The following WDFY3 variants were observed in gnomAD, a reference collection of about 807,000 sequenced individuals.
The protein encoded by WDFY3 is WD repeat and FYVE domain-containing protein 3.
WDFY3 carries 66 observed loss-of-function variants against 409.6 expected under a neutral mutation model. The ratio of observed to expected loss-of-function variants is 0.16; its 90% CI spans 0.13 to 0.20. The LOEUF is 0.20. Ranked by LOEUF, WDFY3 falls within the 10% of genes least tolerant of loss-of-function variation. The probability of loss-of-function intolerance (pLI) is 1.00; values close to 1 mark genes in which losing one functional copy is unlikely to be tolerated. For synonymous variants in WDFY3, 1,521 were observed against 1,537.1 expected, an observed-to-expected ratio of 0.99 and a Z score of 0.25; for missense variants, 3,031 against 4,298.1, an observed-to-expected ratio of 0.71 and a Z score of 8.24.
In WDFY3 at chr4:84,794,602, T is replaced by C; in HGVS notation, c.3404A>G (p.His1135Arg). 1.2e-6 allele frequency: 2 copies of C among 1,614,110 alleles called. No individual in the cohort carries two copies. The highest frequency in any genetic ancestry group is 1.7e-6 in the Non-Finnish European group (2 of 1,180,022). The change falls in exon 21 of 68, where the codon CAT becomes CGT. Residue 1135 changes from histidine to arginine, a missense_variant. This residue lies in a region of WDFY3 where 1,322 missense variants were observed against 1,697.9 expected (regional missense o/e 0.78). Transcript: ENST00000295888. Reference protein sequence around the residue: ...VVRRANSSEQHYVCLAIVLSA... With the variant: ...VVRRANSSEQRYVCLAIVLSA... ...TAGAACTATTGCAAGGCACACGTAATGTTGCTCAGAAGAATTTGCTCGGCG... is the reference window on the plus strand; with the variant it reads ...TAGAACTATTGCAAGGCACACGTAACGTTGCTCAGAAGAATTTGCTCGGCG...
At chr4:84,862,784 G>A (rs1162305825) in intron 3 of WDFY3, among the ~76,000 whole-genome samples, 1 of 152,046 alleles carries the variant, frequency 6.6e-6, no homozygotes, top group Non-Finnish European at 1.5e-5. Flanking sequence ...TCAGGGGATC[G>A]AGACTATCCT....
intron 5 of WDFY3, chr4:84,844,581 C>A: frequency 8.3e-7 from 1 of 1,202,450 alleles, no homozygotes. Context: ...CACAAGAGTA[C>A]TGGGGTCAAC....
chr4:84,760,894 T>G (rs1402367612), intron 32 of WDFY3, among the ~76,000 whole-genome samples: 3 of 145,240 alleles, frequency 2.1e-5, no homozygotes, highest in Non-Finnish European at 3.0e-5. Flanking sequence ...TTAATTGTGA[T>G]GTTAGGGTGT....
chr4:84,748,062 T>A (rs1166419558), intron 36 of WDFY3, among the ~76,000 whole-genome samples: 1 of 152,136 alleles, frequency 6.6e-6, no homozygotes, highest in East Asian at 1.9e-4. Flanking sequence ...CAAATCTGTT[T>A]GAGCTGTTCT....
At chr4:84,816,038 T>C (rs560028523) in intron 13 of WDFY3, among the ~76,000 whole-genome samples, 72 of 152,252 alleles carry the variant, frequency 4.7e-4, no homozygotes, top group African/African-American at 1.7e-3. Flanking sequence ...TGTACTTACT[T>C]AATTGCTTAT....
chr4:84,930,073 C>T (rs2150950234), intron 2 of WDFY3, among the ~76,000 whole-genome samples: 1 of 152,276 alleles, frequency 6.6e-6, no homozygotes, highest in African/African-American at 2.4e-5. Context: ...CGTCAGACTT[C>T]CAGCATACAG....
At chr4:84,724,361 GT>G in intron 46 of WDFY3, 64 bp downstream of exon 46, 1 of 1,528,414 alleles carries the variant, frequency 6.5e-7, no homozygotes, top group Non-Finnish European at 8.8e-7. Context: ...TCAAATTTTT[GT>G]ATGAATTCAA....
chr4:84,784,889 TATAC>T (rs1274226622), intron 24 of WDFY3, among the ~76,000 whole-genome samples: 13,922 of 50,534 alleles, frequency 0.28, 571 homozygotes, highest in Non-Finnish European at 0.36. Flanking sequence ...TATATATATA[TATAC>T]ACACACACAC....
At chr4:84,882,944 C>T (rs573550145) in intron 3 of WDFY3, among the ~76,000 whole-genome samples, 2 of 152,126 alleles carry the variant, frequency 1.3e-5, no homozygotes, top group South Asian at 4.2e-4. Flanking sequence ...TGGGCTAGAG[C>T]GATCCTCCCA....
At chr4:84,705,033 C>T (rs1731695143) in intron 54 of WDFY3, among the ~76,000 whole-genome samples, 1 of 151,824 alleles carries the variant, frequency 6.6e-6, no homozygotes, top group African/African-American at 2.4e-5. Flanking sequence ...CAAAAGGGTT[C>T]CAAAATTGCC....
At chr4:84,877,986 G>C (rs1182357628) in intron 3 of WDFY3, among the ~76,000 whole-genome samples, 1 of 152,092 alleles carries the variant, frequency 6.6e-6, no homozygotes, top group Non-Finnish European at 1.5e-5. Context: ...AGAAAACTTA[G>C]AAGACAACTT....
intron 56 of WDFY3, among the ~76,000 whole-genome samples, chr4:84,699,667 A>G (rs75802395): frequency 0.039 from 5,877 of 152,138 alleles, 349 homozygotes; most frequent in African/African-American, 0.13. Context: ...TGCTCCCACC[A>G]GCAATGTATG....
At chr4:84,762,267 A>G (rs1191281628) in intron 32 of WDFY3, among the ~76,000 whole-genome samples, 10 of 152,018 alleles carry the variant, frequency 6.6e-5, no homozygotes, top group Admixed American at 2.0e-4. Flanking sequence ...TATACACCAT[A>G]GAATACTATG....
intron 32 of WDFY3, among the ~76,000 whole-genome samples, chr4:84,762,082 A>G (rs1237189128): frequency 6.6e-6 from 1 of 152,178 alleles, no homozygotes; most frequent in Non-Finnish European, 1.5e-5. Flanking sequence ...AGAACTAGAA[A>G]TACCATTTGA....
intron 2 of WDFY3, among the ~76,000 whole-genome samples, chr4:84,925,826 C>T (rs1769903145): frequency 6.6e-6 from 1 of 151,998 alleles, no homozygotes; most frequent in African/African-American, 2.4e-5. Context: ...CAGTGCCACA[C>T]CCCTCTCTAA....
At chr4:84,794,189 T>A (rs1748985630) in intron 21 of WDFY3, among the ~76,000 whole-genome samples, 1 of 152,206 alleles carries the variant, frequency 6.6e-6, no homozygotes, top group Non-Finnish European at 1.5e-5. Flanking sequence ...GCTCAATGAA[T>A]ATTAATTAAT....
chr4:84,861,692 A>G (rs1053015135), intron 3 of WDFY3, among the ~76,000 whole-genome samples: 1 of 152,250 alleles, frequency 6.6e-6, no homozygotes, highest in African/African-American at 2.4e-5. Flanking sequence ...ATAAAGGTGT[A>G]TTACTGTGTA....
chr4:84,706,573 A>G (rs1731983214), intron 53 of WDFY3, among the ~76,000 whole-genome samples: 1 of 150,962 alleles, frequency 6.6e-6, no homozygotes, highest in Admixed American at 6.6e-5. Flanking sequence ...AACCCAACAT[A>G]GGTACCATGT....
In WDFY3 at chr4:84,721,523, T is replaced by G. The variant is rs926509103; in HGVS notation, c.7491A>C (p.Gly2497=). The G allele has an allele frequency of 6.2e-7, 1 of 1,611,468 alleles. No individual in the cohort carries two copies. Residue 2497 remains glycine, a synonymous_variant, in exon 47 of 68, where the codon GGA becomes GGC. Transcript: ENST00000295888. The part of the protein sequence containing the change: ...LKRSRSAPDG[G]DEENQEQLQD... ...GTAGCTGCTCCTGGTTCTCCTCATC[T>G]CCTCCATCAGGTGCAGATCGGGAGC...
Sources: gnomAD v4.1 joint callset for allele counts (sites outside exome capture counted in the v4.1 genomes callset) on GRCh38, gnomAD v4.1.1 for gene constraint, gnomAD v4.1.1 regional missense constraint, MANE v1.5 for transcripts, NCBI Gene and HGNC (gene_info 2026-07-23, HGNC 2026-07-21) for gene names.